The following SSBP3 variants were observed in gnomAD, a reference collection of about 807,000 sequenced individuals.
SSBP3 encodes the protein single-stranded DNA-binding protein 3.
Under a neutral mutation model 69.6 loss-of-function variants are expected in SSBP3, and 5 were observed. The ratio of observed to expected loss-of-function variants is 0.07; its 90% CI spans 0.04 to 0.15. SSBP3 has a LOEUF of 0.15. SSBP3 is among the 10% of genes least tolerant of loss of function. The pLI, the probability that SSBP3 is intolerant of heterozygous loss-of-function variation, is 1.00. For missense variants in SSBP3, 312 were observed against 534.0 expected (o/e 0.58, Z 4.10); for synonymous variants, 196 against 193.4 (o/e 1.01, Z -0.11).
chr1:54,379,391 CG>C (rs1396997346), intron 4 of SSBP3, among the ~76,000 whole-genome samples: 1 of 152,166 alleles, frequency 6.6e-6, no homozygotes, highest in Non-Finnish European at 1.5e-5. Flanking sequence ...AGCACCAGGA[CG>C]GGGACGTCTG....
chr1:54,281,549 G>C (rs1349808554), intron 4 of SSBP3, 22 bp from the exon 5 acceptor site: 1 of 1,551,536 alleles, frequency 6.4e-7, no homozygotes, highest in Non-Finnish European at 8.7e-7. Flanking sequence ...ACAAGGCAGA[G>C]AGTTAGTGGC....
chr1:54,324,761 A>C (rs1340118263), intron 4 of SSBP3, among the ~76,000 whole-genome samples: 1 of 152,220 alleles, frequency 6.6e-6, no homozygotes, highest in Non-Finnish European at 1.5e-5. Context: ...TTCTGCGTCA[A>C]GGCATCCAGT....
chr1:54,240,047 G>GGGTGT (rs759078115), intron 13 of SSBP3, among the ~76,000 whole-genome samples: 1 of 77,792 alleles, frequency 1.3e-5, no homozygotes, highest in Non-Finnish European at 2.6e-5. Flanking sequence ...ATTGTGATGG[G>GGGTGT]GTGTGTGTGT....
intron 4 of SSBP3, among the ~76,000 whole-genome samples, chr1:54,356,024 G>A (rs116255381): frequency 6.6e-6 from 1 of 152,202 alleles, no homozygotes; most frequent in Admixed American, 6.5e-5. Flanking sequence ...ACCAGCTGGA[G>A]AGGCAGCCTC....
intron 4 of SSBP3, among the ~76,000 whole-genome samples, chr1:54,387,634 A>G (rs1261447440): frequency 6.6e-6 from 1 of 152,252 alleles, no homozygotes; most frequent in African/African-American, 2.4e-5. Flanking sequence ...AGCATGATAC[A>G]ATCAGGTTGT....
chr1:54,260,735 A>C (rs1360233707), intron 5 of SSBP3, among the ~76,000 whole-genome samples: 1 of 144,706 alleles, frequency 6.9e-6, no homozygotes, highest in Non-Finnish European at 1.5e-5. Context: ...GCCCAGCCCC[A>C]CAACCTCTCT....
chr1:54,383,686 G>A (rs1250460453), intron 4 of SSBP3, among the ~76,000 whole-genome samples: 3 of 152,016 alleles, frequency 2.0e-5, no homozygotes, highest in Non-Finnish European at 4.4e-5. Flanking sequence ...GAGGGAGAGA[G>A]AGAAATCAGA....
rs775906341 is a variant in SSBP3, at chr1:54,398,874, C to T, written c.276+2987G>A. On this transcript the variant is annotated intron_variant, in intron 4 of 17. Transcript: ENST00000610401. ...ACCGAAGATGGGTCTGGTATCCAGGCTGCACAAACTCCCCACACCCTGAGA... is the reference window on the plus strand; with the variant it reads ...ACCGAAGATGGGTCTGGTATCCAGGTTGCACAAACTCCCCACACCCTGAGA... Among the ~76,000 whole-genome samples, 26 of 152,282 alleles carry T rather than the reference C, an allele frequency of 1.7e-4. No homozygotes were observed. The Middle Eastern group carries it at 0.014, about 80-fold the overall frequency.
intron 4 of SSBP3, among the ~76,000 whole-genome samples, chr1:54,294,984 C>T (rs1402138846): frequency 1.3e-5 from 2 of 152,146 alleles, no homozygotes; most frequent in Non-Finnish European, 2.9e-5. Flanking sequence ...CTGTCCCTTA[C>T]AGCTAGACCC....
chr1:54,371,664 C>T (rs896511153), intron 4 of SSBP3, among the ~76,000 whole-genome samples: 8 of 152,140 alleles, frequency 5.3e-5, no homozygotes, highest in East Asian at 1.9e-4. Context: ...TCATCAATAT[C>T]GAGAGAGAAG....
intron 4 of SSBP3, among the ~76,000 whole-genome samples, chr1:54,318,639 C>G (rs1350716545): frequency 6.6e-6 from 1 of 152,118 alleles, no homozygotes; most frequent in African/African-American, 2.4e-5. Flanking sequence ...GAGGCACAGG[C>G]TGTAAGGAAC....
chr1:54,398,847 C>G lies in SSBP3; in HGVS notation c.276+3014G>C, dbSNP rs113497792. 2.0e-3 allele frequency among the ~76,000 whole-genome samples: 300 copies of G among 152,266 alleles called. 4 individuals are homozygous for G. The highest frequency in any genetic ancestry group is 6.8e-3 in the Middle Eastern group (2 of 294). The stretch of plus-strand genomic sequence containing the variant: ...CGTTGCCCCTGTAAGCACTTCCTAC[C>G]CACCGAAGATGGGTCTGGTATCCAG... On this transcript the variant is annotated intron_variant, in intron 4 of 17. Coordinates refer to ENST00000610401, the Ensembl canonical transcript of SSBP3.
At chr1:54,394,742 C>A (rs1648741190) in intron 4 of SSBP3, among the ~76,000 whole-genome samples, 1 of 145,396 alleles carries the variant, frequency 6.9e-6, no homozygotes, top group Non-Finnish European at 1.5e-5. Context: ...TGGCTCTGTC[C>A]CCCATGCTGG....
chr1:54,300,140 G>T (rs913412088), intron 4 of SSBP3, among the ~76,000 whole-genome samples: 4 of 152,164 alleles, frequency 2.6e-5, no homozygotes, highest in African/African-American at 9.7e-5. Context: ...GGTTAGCAGT[G>T]CTGGACTCGT....
Position 54,399,562 on chromosome 1 carries a change from T to G in SSBP3, c.276+2299A>C, listed in dbSNP as rs964778824. Among the ~76,000 whole-genome samples, 9 of 152,120 alleles carry G rather than the reference T, an allele frequency of 5.9e-5. 1 individual carries two copies. Among genetic ancestry groups the G allele is most frequent in the Non-Finnish European group, 1.3e-4 (9 of 68,016 alleles). Reference sequence around the variant, plus strand: ...TATAGATATGGAGATGAAGGCGTGATCACAGAATGCAGAAAACTATCTCAT... The same window carrying G: ...TATAGATATGGAGATGAAGGCGTGAGCACAGAATGCAGAAAACTATCTCAT... On this transcript the variant is annotated intron_variant, in intron 4 of 17. Transcript: ENST00000610401.
At chr1:54,281,415 A>G (rs746908463) in intron 5 of SSBP3, 23 bp downstream of exon 5, 3 of 1,541,510 alleles carry the variant, frequency 1.9e-6, no homozygotes, top group Middle Eastern at 3.5e-4. Flanking sequence ...GTGGAGCACA[A>G]GACCCACGGG....
intron 4 of SSBP3, among the ~76,000 whole-genome samples, chr1:54,352,861 AACCTCAAC>A (rs1646802265): frequency 6.6e-6 from 1 of 152,208 alleles, no homozygotes; most frequent in Non-Finnish European, 1.5e-5. Flanking sequence ...ATGACAGAGG[AACCTCAAC>A]ACAATCCATG....
chr1:54,273,421 C>A (rs995333699), intron 5 of SSBP3, among the ~76,000 whole-genome samples: 3 of 152,208 alleles, frequency 2.0e-5, no homozygotes, highest in Admixed American at 6.5e-5. Context: ...CAGCCGCCGC[C>A]GAGGCAGCCT....
Position 54,227,166 on chromosome 1 carries a change from A to C in SSBP3, c.1138-6T>G. The C allele has an allele frequency of 3.6e-6, 3 of 843,202 alleles. No homozygotes were observed. The highest frequency in any genetic ancestry group is 3.5e-6 in the Non-Finnish European group (2 of 569,362). The allele number at this position is 843,202 out of a possible 1,614,324, so 52.2% of individuals were successfully genotyped here. A position where few individuals can be genotyped will look rare whatever the true frequency, so the allele number is the denominator to read the frequency against. ...ATCGTCATGCTTGGAGAATACTGGA[A>C]AGGAGAAGCAGAGAAGGGGGGGGGG... is the stretch of plus-strand genomic sequence containing the variant. On this transcript the variant is annotated splice_region_variant and splice_polypyrimidine_tract_variant and intron_variant, in intron 17 of 17. Coordinates refer to ENST00000610401, the Ensembl canonical transcript of SSBP3.
Sources: gnomAD v4.1 joint callset for allele counts (sites outside exome capture counted in the v4.1 genomes callset) on GRCh38, gnomAD v4.1.1 for gene constraint, MANE v1.5 for transcripts, NCBI Gene and HGNC (gene_info 2026-07-23, HGNC 2026-07-21) for gene names.